The following FAM169A variants were observed in gnomAD, a reference collection of about 807,000 sequenced individuals.
The protein encoded by FAM169A is soluble lamin-associated protein of 75 kDa.
In FAM169A, 24 loss-of-function variants were observed where a neutral mutation model predicts 75.7. The observed-to-expected ratio is 0.32, with a 90% CI of 0.23 to 0.45. The LOEUF is 0.45. Ranked by LOEUF, FAM169A falls within the 20% of genes least tolerant of loss-of-function variation. The probability of loss-of-function intolerance (pLI) is 1.00; values close to 1 mark genes in which losing one functional copy is unlikely to be tolerated. For synonymous variants in FAM169A, 271 were observed against 271.0 expected, an observed-to-expected ratio of 1.00 and a Z score of 0.00; for missense variants, 673 against 784.0, an observed-to-expected ratio of 0.86 and a Z score of 1.69.
intron 7 of FAM169A, among the ~76,000 whole-genome samples, chr5:74,804,954 A>G (rs1272856956): frequency 6.6e-6 from 1 of 152,146 alleles, no homozygotes; most frequent in African/African-American, 2.4e-5. Context: ...TAAGGACTCA[A>G]AAGTTAATAC....
At chr5:74,784,496 G>A (rs1467225259) in intron 11 of FAM169A, among the ~76,000 whole-genome samples, 2 of 95,550 alleles carry the variant, frequency 2.1e-5, no homozygotes, top group Admixed American at 2.8e-4. Flanking sequence ...GGGAGACAGA[G>A]CAAGACTCCG....
chr5:74,801,020 T>G lies in FAM169A; in HGVS notation c.963A>C (p.Lys321Asn). The change falls in exon 10 of 13, where the codon AAA becomes AAC. Residue 321 changes from lysine to asparagine, a missense_variant. Physicochemically the swap from Lys to Asn is moderately conservative, Grantham distance 94. Coordinates refer to ENST00000687041, the MANE Select transcript of FAM169A (RefSeq NM_001376049.1). Reference protein sequence around the residue: ...AFASTSEGHDKTSVSTHTRSG... With the variant: ...AFASTSEGHDNTSVSTHTRSG... Reference sequence around the variant, plus strand: ...TTCGAGTATGAGTGGAAACAGATGTTTTATCATGACCTGAGGAGAAAAACA... The same window carrying G: ...TTCGAGTATGAGTGGAAACAGATGTGTTATCATGACCTGAGGAGAAAAACA... 6.4e-7 allele frequency: 1 copy of G among 1,555,100 alleles called. No homozygotes were observed. The highest frequency in any genetic ancestry group is 8.7e-7 in the Non-Finnish European group (1 of 1,151,230).
At chr5:74,808,630 T>A (rs1747012313) in intron 6 of FAM169A, among the ~76,000 whole-genome samples, 1 of 152,186 alleles carries the variant, frequency 6.6e-6, no homozygotes, top group Non-Finnish European at 1.5e-5. Flanking sequence ...TTATGTATAA[T>A]TTTTTACAAC....
At chr5:74,802,905 T>C (rs1051782279) in intron 8 of FAM169A, among the ~76,000 whole-genome samples, 9 of 151,982 alleles carry the variant, frequency 5.9e-5, no homozygotes, top group African/African-American at 2.2e-4. Flanking sequence ...GTGCAAAAAG[T>C]GTAAGATAAA....
intron 1 of FAM169A, among the ~76,000 whole-genome samples, chr5:74,857,674 T>C (rs1289670425): frequency 2.8e-5 from 4 of 144,112 alleles, no homozygotes; most frequent in Middle Eastern, 6.9e-3. Flanking sequence ...ATTCTGTATA[T>C]CTTTAAAGGG....
At chr5:74,853,643 C>T (rs1017852556) in intron 1 of FAM169A, among the ~76,000 whole-genome samples, 1 of 151,884 alleles carries the variant, frequency 6.6e-6, no homozygotes, top group Non-Finnish European at 1.5e-5. Flanking sequence ...TGTTTTCAAA[C>T]CTTGCAATAT....
intron 6 of FAM169A, among the ~76,000 whole-genome samples, chr5:74,812,242 G>C (rs953084955): frequency 1.1e-4 from 16 of 151,792 alleles, no homozygotes; most frequent in Non-Finnish European, 1.5e-4. Context: ...TCCCACTTCA[G>C]CCCCTCAAGT....
intron 6 of FAM169A, among the ~76,000 whole-genome samples, chr5:74,805,838 T>C (rs772153550): frequency 1.4e-4 from 22 of 151,986 alleles, no homozygotes; most frequent in Non-Finnish European, 1.8e-4. Context: ...ATAAATTCCA[T>C]GCAATTCCAA....
At chr5:74,847,934 A>G (rs530712280) in intron 1 of FAM169A, among the ~76,000 whole-genome samples, 3 of 152,194 alleles carry the variant, frequency 2.0e-5, no homozygotes, top group Non-Finnish European at 4.4e-5. Flanking sequence ...ATTTGCATAC[A>G]GAAGAGCACC....
intron 6 of FAM169A, among the ~76,000 whole-genome samples, chr5:74,807,076 G>C (rs538605528): frequency 2.2e-4 from 33 of 152,170 alleles, no homozygotes; most frequent in African/African-American, 7.9e-4. Context: ...TCTACTTCTA[G>C]GTATAAACCC....
chr5:74,813,861 G>A lies in FAM169A; in HGVS notation c.649C>T (p.Leu217=), dbSNP rs192229544. 1.2e-5 allele frequency: 19 copies of A among 1,587,486 alleles called. No individual in the cohort carries two copies. In the East Asian group the frequency reaches 2.9e-4, roughly 24 times the overall value. Residue 217 remains leucine, a synonymous_variant, in exon 6 of 13, where the codon CTG becomes TTG. Transcript: ENST00000687041. ...TTACCTGTATACATGAGAGAAGACA[G>A]TGGATACCGCAAGCCAAGCGCATCT... ...TEDALGLRYP[L]SSLMYTACKQ... is the part of the protein sequence containing the mutation.
chr5:74,781,673 T>C lies in FAM169A; in HGVS notation c.1800A>G (p.Pro600=). The C allele has an allele frequency of 1.9e-6, 3 of 1,614,162 alleles. No homozygotes were observed. The highest frequency in any genetic ancestry group is 2.5e-6 in the Non-Finnish European group (3 of 1,180,008). The change falls in exon 13 of 13, where the codon CCA becomes CCG. Residue 600 remains proline (P), a synonymous_variant. Transcript: ENST00000687041. ...TCTTCTGTCCTGCATTCTGTGAAAA[T>C]GGCACGTCTTCAAGTTCAACCTCTA... is the stretch of plus-strand genomic sequence containing the variant. ...SLIEVELEDV[P]FSQNAGQKNQ...
At chr5:74,836,088 G>A (rs1016165397) in intron 4 of FAM169A, among the ~76,000 whole-genome samples, 1 of 152,222 alleles carries the variant, frequency 6.6e-6, no homozygotes, top group African/African-American at 2.4e-5. Flanking sequence ...TGTTCGGGAT[G>A]TGGATTTCAT....
chr5:74,805,197 G>A lies in FAM169A; in HGVS notation c.758C>T (p.Pro253Leu). Residue 253 changes from proline (P) to leucine (L), a missense_variant, in exon 7 of 13, where the codon CCA (proline) becomes CTA (leucine). By Grantham distance (98) the Pro-to-Leu change is moderately conservative. Transcript: ENST00000687041. ...TTCTCTTTGTAATGCTCTGGTGACT[G>A]GTATTCGCTGGTACCAGTGTCCAAC... ...EGVGHWYQRI[P>L]VTRALQREAL... The A allele has an allele frequency of 6.2e-7, 1 of 1,613,262 alleles. No homozygotes were observed. The highest frequency in any genetic ancestry group is 8.5e-7 in the Non-Finnish European group (1 of 1,179,292).
chr5:74,816,577 C>T (rs1747482379), intron 5 of FAM169A, among the ~76,000 whole-genome samples: 1 of 152,140 alleles, frequency 6.6e-6, no homozygotes, highest in Non-Finnish European at 1.5e-5. Context: ...CTACACTTTA[C>T]ATATTAATAC....
chr5:74,795,468 T>C (rs1043137344), intron 11 of FAM169A, among the ~76,000 whole-genome samples: 3 of 152,132 alleles, frequency 2.0e-5, no homozygotes, highest in Non-Finnish European at 2.9e-5. Flanking sequence ...ATAAATACTT[T>C]AAAGCTGCAG....
At chr5:74,813,097 G>GA (rs763821274) in intron 6 of FAM169A, among the ~76,000 whole-genome samples, 10 of 152,190 alleles carry the variant, frequency 6.6e-5, no homozygotes, top group Admixed American at 1.3e-4. Flanking sequence ...CCATTTATAT[G>GA]AAAAATGTCC....
chr5:74,797,272 G>A (rs1377716667), intron 10 of FAM169A, among the ~76,000 whole-genome samples: 1 of 152,166 alleles, frequency 6.6e-6, no homozygotes, highest in South Asian at 2.1e-4. Context: ...CGCCTCCTGG[G>A]TTCAAACGTT....
intron 10 of FAM169A, chr5:74,800,157 C>T (rs1369061270): frequency 4.5e-6 from 2 of 446,980 alleles, no homozygotes; most frequent in Non-Finnish European, 8.3e-6. Context: ...GCTAGGAAGC[C>T]AGCCCCAAGG....
Sources: gnomAD v4.1 joint callset for allele counts (sites outside exome capture counted in the v4.1 genomes callset) on GRCh38, gnomAD v4.1.1 for gene constraint, MANE v1.5 for transcripts, NCBI Gene and HGNC (gene_info 2026-07-23, HGNC 2026-07-21) for gene names.